ZNF676: variants seen among roughly 807,000 people sequenced by gnomAD.
The protein encoded by ZNF676 is zinc finger protein 676.
In ZNF676, 4 loss-of-function variants were observed where a neutral mutation model predicts 6.0. The ratio of observed to expected loss-of-function variants is 0.67; its 90% CI spans 0.33 to 1.53. The LOEUF (loss-of-function observed/expected upper bound fraction) is 1.53. Among genes scored for constraint, ZNF676 ranks in the 40% most tolerant of loss-of-function variants. The pLI is 0.06. For missense variants in ZNF676, 644 were observed against 679.7 expected (o/e 0.95, Z 0.58); for synonymous variants, 198 against 223.1 (o/e 0.89, Z 1.00).
upstream of ZNF676, among the ~76,000 whole-genome samples, chr19:22,200,261 A>AT (rs1370814165): frequency 1.3e-5 from 2 of 152,056 alleles, no homozygotes; most frequent in African/African-American, 2.4e-5. Context: ...TTCTATAATA[A>AT]TTTTTTTAGA....
the ZNF676 span, among the ~76,000 whole-genome samples, chr19:22,249,385 A>AG: frequency 1.3e-5 from 2 of 152,148 alleles, no homozygotes; most frequent in South Asian, 4.1e-4. Flanking sequence ...GGCTAAAGTT[A>AG]AAGAGATATT....
chr19:22,200,132 A>T (rs2024009290), upstream of ZNF676, among the ~76,000 whole-genome samples: 1 of 151,838 alleles, frequency 6.6e-6, no homozygotes. Context: ...CTTTTTTTTT[A>T]AATCTTACTT....
At chr19:22,204,774 A>G (rs762562993) in intron 1 of ZNF676, among the ~76,000 whole-genome samples, 26 of 152,206 alleles carry the variant, frequency 1.7e-4, no homozygotes, top group Non-Finnish European at 2.9e-4. Flanking sequence ...AGATAAAAAT[A>G]TATATAATCT....
In ZNF676 at chr19:22,205,104, GA is replaced by G. The variant is rs367711420; in HGVS notation, c.4-8379del. Among the ~76,000 whole-genome samples, 399 of 152,102 alleles carry G rather than the reference GA, an allele frequency of 2.6e-3. 1 individual carries two copies. Among genetic ancestry groups the G allele is most frequent in the African/African-American group, 8.7e-3 (359 of 41,496 alleles). On this transcript the variant is annotated intron_variant, in intron 1 of 3. Transcript: ENST00000650058. ...GCACTTAAAAGAATGTTTATGGGGG[GA>G]AAAGCAGAAGAGAGAAAATTGTTAT... is the stretch of plus-strand genomic sequence containing the variant.
chr19:22,184,650 A>G (rs2023807291), intron 2 of ZNF676, among the ~76,000 whole-genome samples: 1 of 151,822 alleles, frequency 6.6e-6, no homozygotes, highest in African/African-American at 2.4e-5. Context: ...ACAGCAGTCT[A>G]AGCTTGACCT....
chr19:22,233,552 T>G, the ZNF676 span, among the ~76,000 whole-genome samples: 7 of 137,512 alleles, frequency 5.1e-5, no homozygotes, highest in African/African-American at 8.0e-5. Flanking sequence ...CTGAAATTTG[T>G]TGTTTATTTT....
At chr19:22,226,481 T>C in the ZNF676 span, among the ~76,000 whole-genome samples, 1 of 152,110 alleles carries the variant, frequency 6.6e-6, no homozygotes, top group African/African-American at 2.4e-5. Context: ...CCACTGTAGG[T>C]TGTACTGACA....
the ZNF676 span, among the ~76,000 whole-genome samples, chr19:22,224,051 C>T: frequency 6.6e-6 from 1 of 150,934 alleles, no homozygotes; most frequent in African/African-American, 2.4e-5. Context: ...TATGATTATA[C>T]TGCAATTTCT....
rs141179671 is a variant in ZNF676 at position 22,206,838 on chromosome 19, A to G, written c.3+8794T>C. On this transcript the variant is annotated intron_variant, in intron 1 of 3. Transcript: ENST00000650058. ...ATTCATCACATAAACAGAATTAAAGACAGAAATCACAAGATTATCTCAATA... is the reference window on the plus strand; with the variant it reads ...ATTCATCACATAAACAGAATTAAAGGCAGAAATCACAAGATTATCTCAATA... Among the ~76,000 whole-genome samples, 1,137 of 152,316 alleles carry G rather than the reference A, an allele frequency of 7.5e-3. 14 individuals are homozygous for G. The highest frequency in any genetic ancestry group is 0.026 in the African/African-American group (1,071 of 41,556).
At position 22,181,186 on chromosome 19, in the gene ZNF676, A is replaced by G; in HGVS notation, c.531T>C (p.Ala177=). 1.2e-6 allele frequency: 2 copies of G among 1,613,938 alleles called. No homozygotes were observed. The highest frequency in any genetic ancestry group is 1.7e-6 in the Non-Finnish European group (2 of 1,179,928). The part of the protein sequence containing the change: ...NSYKCEENGK[A]FNWSSTLTYY... ...AAGTAAGGGTTGAGGACCAGTTAAA[A>G]GCTTTGCCATTTTCTTCACATTTGT... Residue 177 remains alanine (A), a synonymous_variant, in exon 3 of 3, where the codon GCT becomes GCC. Transcript: ENST00000397121.
rs1490225220 is a variant in ZNF676, at chr19:22,193,538, T to C, written c.35-427A>G. On this transcript the variant is annotated intron_variant, in intron 1 of 2. Coordinates refer to ENST00000397121, the MANE Select transcript of ZNF676 (RefSeq NM_001001411.3). ...TTGTCAGACAACAGGAGTCAGGTTT[T>C]GAGTCTCAAGAATTAAAAAGATAAT... 2.0e-5 allele frequency among the ~76,000 whole-genome samples: 3 copies of C among 152,082 alleles called. No homozygotes were observed. The East Asian group carries it at 5.8e-4, about 29-fold the overall frequency.
intron 1 of ZNF676, among the ~76,000 whole-genome samples, chr19:22,208,947 TAAC>T (rs1350620812): frequency 6.6e-6 from 1 of 150,748 alleles, no homozygotes; most frequent in Non-Finnish European, 1.5e-5. Flanking sequence ...TCTCCAAAAA[TAAC>T]AAAAAATAAA....
At position 22,181,231 on chromosome 19, in the gene ZNF676, A is replaced by C; in HGVS notation, c.486T>G (p.Ile162Met). 6.2e-7 allele frequency: 1 copy of C among 1,613,840 alleles called. No individual in the cohort carries two copies. The highest frequency in any genetic ancestry group is 1.1e-5 in the South Asian group (1 of 91,074). Residue 162 changes from isoleucine to methionine, a missense_variant, in exon 3 of 3, where the codon ATT (isoleucine) becomes ATG (methionine). Ile to Met is a conservative substitution (Grantham distance 10). This residue lies in a region of ZNF676 where 280 missense variants were observed against 269.3 expected (regional missense o/e 1.04). Transcript: ENST00000397121. Reference sequence around the variant, plus strand: ...ATTTGTAGGAATTCTCTCTAGTATAAATTCTTTCATGTTGAGATAGGTGTG... The same window carrying C: ...ATTTGTAGGAATTCTCTCTAGTATACATTCTTTCATGTTGAGATAGGTGTG... ...MLSHLSQHER[I>M]YTRENSYKCE...
intron 2 of ZNF676, among the ~76,000 whole-genome samples, chr19:22,184,826 GAAAAAAAAAAAAAAA>G (rs144833243): frequency 3.2e-4 from 17 of 52,692 alleles, no homozygotes; most frequent in African/African-American, 1.2e-3. Flanking sequence ...GGGCATCTTT[GAAAAAAAAAAAAAAA>G]AAAAAAAAAA....
At chr19:22,226,716 C>T in the ZNF676 span, among the ~76,000 whole-genome samples, 425 of 151,882 alleles carry the variant, frequency 2.8e-3, 3 homozygotes, top group African/African-American at 9.8e-3. Flanking sequence ...CCTGCCTCAG[C>T]CTCCTGAATA....
chr19:22,235,080 G>A, the ZNF676 span, among the ~76,000 whole-genome samples: 1 of 148,030 alleles, frequency 6.8e-6, no homozygotes, highest in Non-Finnish European at 1.5e-5. Context: ...AAGTCAGGAA[G>A]GCAGGAAGGC....
intron 1 of ZNF676, chr19:22,204,135 G>A (rs1341586809): frequency 2.0e-5 from 3 of 149,162 alleles, no homozygotes; most frequent in Non-Finnish European, 4.5e-5. Context: ...TGTAATAGCA[G>A]CATACTAATT....
the ZNF676 span, among the ~76,000 whole-genome samples, chr19:22,247,628 C>T: frequency 3.4e-5 from 5 of 146,954 alleles, no homozygotes; most frequent in Non-Finnish European, 7.5e-5. Context: ...GTTAAAAAAT[C>T]GACGAGGCAG....
chr19:22,198,673 C>T (rs967136566), upstream of ZNF676, among the ~76,000 whole-genome samples: 7 of 152,226 alleles, frequency 4.6e-5, no homozygotes, highest in African/African-American at 1.7e-4. Flanking sequence ...GGCAGAAGAA[C>T]CAAGACAGAA....
Sources: allele counts gnomAD v4.1 joint callset (sites outside exome capture counted in the v4.1 genomes callset), GRCh38; gene constraint gnomAD v4.1.1; regional missense constraint gnomAD v4.1.1; transcripts MANE v1.5; gene names NCBI Gene and HGNC (gene_info 2026-07-23, HGNC 2026-07-21).